Variants in UGGT1 observed in about 807,000 individuals in gnomAD.
UGGT1 encodes UDP-glucose glycoprotein glucosyltransferase 1.
UGGT1 carries 107 observed loss-of-function variants against 203.9 expected under a neutral mutation model. The ratio of observed to expected loss-of-function variants is 0.52; its 90% CI spans 0.45 to 0.62. The LOEUF (loss-of-function observed/expected upper bound fraction) is 0.62, where lower values mean the gene tolerates loss of function less well. Among genes scored for constraint, UGGT1 ranks in the 20% least tolerant of loss-of-function variants. The pLI is 0.00. For synonymous variants in UGGT1, 628 were observed against 653.5 expected (o/e 0.96, Z 0.59); for missense variants, 1,673 against 1,867.2 (o/e 0.90, Z 1.92).
chr2:128,120,305 C>A, intron 8 of UGGT1, 51 bp from the exon 9 acceptor site: 2 of 1,558,718 alleles, frequency 1.3e-6, no homozygotes, highest in Non-Finnish European at 1.8e-6. Context: ...TCTTCTTATG[C>A]TCCGGGAAAG....
At chr2:128,115,483 TAAAAAAA>T (rs55952659) in intron 7 of UGGT1, among the ~76,000 whole-genome samples, 22 of 121,760 alleles carry the variant, frequency 1.8e-4, no homozygotes, top group Admixed American at 4.1e-4. Flanking sequence ...TTTCATGTAC[TAAAAAAA>T]AAAAAAAAAA....
Position 128,091,206 on chromosome 2 carries a change from G to A in UGGT1, c.-152G>A, listed in dbSNP as rs1686836675. 9 of 835,098 alleles carry A rather than the reference G, an allele frequency of 1.1e-5. 1 individual carries two copies. In the South Asian group the frequency reaches 1.7e-4, roughly 15 times the overall value. 51.7% of individuals were successfully genotyped at this position (835,098 alleles called of 1,614,324 possible). A position where few individuals can be genotyped will look rare whatever the true frequency, so the allele number is the denominator to read the frequency against. On this transcript the variant is annotated 5_prime_UTR_variant, in exon 1 of 41. Coordinates refer to ENST00000259253, the MANE Select transcript of UGGT1 (RefSeq NM_020120.4). ...AAGTAAAAGGGCGGCCGGCAGCTGG[G>A]CAATTGCTTTGCGAGGCTGGGTGTT...
chr2:128,159,419 T>C, intron 22 of UGGT1, 95 bp from the exon 23 acceptor site: 1 of 1,166,454 alleles, frequency 8.6e-7, no homozygotes, highest in Non-Finnish European at 1.3e-6. Flanking sequence ...AAGAGAGATA[T>C]TATTTGCTAC....
At chr2:128,149,609 CA>C (rs886969052) in intron 18 of UGGT1, among the ~76,000 whole-genome samples, 317 of 138,364 alleles carry the variant, frequency 2.3e-3, no homozygotes, top group Admixed American at 2.9e-3. Context: ...ACTAAAAATC[CA>C]AAAAAAAAAA....
At chr2:128,120,566 C>G (rs1057123867) in intron 9 of UGGT1, 110 bp downstream of exon 9, 5 of 809,728 alleles carry the variant, frequency 6.2e-6, no homozygotes, top group Non-Finnish European at 1.0e-5. Context: ...CTGAAGGTGC[C>G]TCAGATTTTA....
Position 128,171,284 on chromosome 2 carries a change from G to C in UGGT1, c.3104G>C (p.Ser1035Thr), listed in dbSNP as rs1300527204. 6.2e-7 allele frequency: 1 copy of C among 1,610,464 alleles called. No homozygotes were observed. Among genetic ancestry groups the C allele is most frequent in the Admixed American group, 1.7e-5 (1 of 59,344 alleles). ...AAACTTTCTGACATGCCTTTAAAAAGGTAAAACATGCTATGTAAGAAAACA... is the reference window on the plus strand; with the variant it reads ...AAACTTTCTGACATGCCTTTAAAAACGTAAAACATGCTATGTAAGAAAACA... Reference protein sequence around the residue: ...QSKLSDMPLKSFYRYVLEPEI... With the variant: ...QSKLSDMPLKTFYRYVLEPEI... Residue 1035 changes from serine (S) to threonine (T), a missense_variant and splice_region_variant, in exon 28 of 41, where the codon AGC becomes ACC. Around this residue, in one of 4 missense-constraint regions of UGGT1, gnomAD observed 513 missense variants for 684.1 expected, o/e 0.75. Transcript: ENST00000259253.
At chr2:128,141,371 G>A (rs1689415371) in intron 16 of UGGT1, among the ~76,000 whole-genome samples, 1 of 152,170 alleles carries the variant, frequency 6.6e-6, no homozygotes, top group South Asian at 2.1e-4. Context: ...CGAGGCAGGT[G>A]GATCACGAGA....
intron 26 of UGGT1, among the ~76,000 whole-genome samples, chr2:128,168,717 G>A (rs1690923445): frequency 6.6e-6 from 1 of 152,104 alleles, no homozygotes; most frequent in Non-Finnish European, 1.5e-5. Context: ...GACTTCACAG[G>A]GAGTCCATGC....
At chr2:128,109,774 G>A (rs769047902) in intron 5 of UGGT1, 28 bp downstream of exon 5, 1 of 1,572,658 alleles carries the variant, frequency 6.4e-7, no homozygotes, top group South Asian at 1.1e-5. Context: ...TTATTTTCAT[G>A]TCATGCATTT....
intron 2 of UGGT1, among the ~76,000 whole-genome samples, chr2:128,099,040 C>T (rs539025486): frequency 1.4e-3 from 211 of 152,286 alleles, no homozygotes; most frequent in Middle Eastern, 3.4e-3. Context: ...GAGCAGCAAG[C>T]ACTTGGTAAG....
At position 128,189,892 on chromosome 2, in the gene UGGT1, G is replaced by T; in HGVS notation, c.*150G>T. The T allele has an allele frequency of 1.3e-6, 1 of 797,314 alleles. No individual in the cohort carries two copies. Among genetic ancestry groups the T allele is most frequent in the Non-Finnish European group, 2.0e-6 (1 of 505,180 alleles). 49.4% of individuals were successfully genotyped at this position (797,314 alleles called of 1,614,324 possible). On this transcript the variant is annotated 3_prime_UTR_variant, in exon 41 of 41. Coordinates refer to ENST00000259253, the MANE Select transcript of UGGT1 (RefSeq NM_020120.4). ...TTCTGAGCATTTGATTCTGACTTCTGTACTCTGGTGGCCACTGGATCTTTG... is the reference window on the plus strand; with the variant it reads ...TTCTGAGCATTTGATTCTGACTTCTTTACTCTGGTGGCCACTGGATCTTTG...
chr2:128,111,221 C>T (rs1032886745), intron 5 of UGGT1, among the ~76,000 whole-genome samples: 7 of 151,988 alleles, frequency 4.6e-5, no homozygotes, highest in Middle Eastern at 3.2e-3. Context: ...GCAGTAACCA[C>T]GCACACGCCT....
At chr2:128,110,049 G>A (rs887055951) in intron 5 of UGGT1, among the ~76,000 whole-genome samples, 10 of 152,092 alleles carry the variant, frequency 6.6e-5, no homozygotes, top group Admixed American at 6.5e-5. Flanking sequence ...TTTGTCATTG[G>A]CTTAGTAAGG....
At position 128,158,844 on chromosome 2, in the gene UGGT1, G is replaced by C. The variant is rs556213354; in HGVS notation, c.2356-670G>C. On this transcript the variant is annotated intron_variant, in intron 22 of 40. Coordinates refer to ENST00000259253, the MANE Select transcript of UGGT1 (RefSeq NM_020120.4). ...TGGGAAGGCTGTATGAATGAAGAAG[G>C]GTTTGAGGAGAGCACTGAAAACACT... Among the ~76,000 whole-genome samples the C allele has an allele frequency of 5.3e-5, 8 of 152,226 alleles. No homozygotes were observed. The South Asian group carries it at 1.5e-3, about 28-fold the overall frequency.
intron 24 of UGGT1, 30 bp downstream of exon 24, chr2:128,160,621 T>C (rs1051238503): frequency 4.4e-6 from 7 of 1,595,072 alleles, no homozygotes; most frequent in Non-Finnish European, 6.0e-6. Context: ...GACTTCACAT[T>C]AGATCCGTGA....
At chr2:128,101,376 G>A (rs1386697380) in intron 2 of UGGT1, among the ~76,000 whole-genome samples, 1 of 152,146 alleles carries the variant, frequency 6.6e-6, no homozygotes, top group Non-Finnish European at 1.5e-5. Context: ...TTCCTGTTGT[G>A]TATTTTTAGA....
chr2:128,143,584 T>G (rs1689540879), intron 17 of UGGT1, among the ~76,000 whole-genome samples: 1 of 152,208 alleles, frequency 6.6e-6, no homozygotes, highest in Non-Finnish European at 1.5e-5. Context: ...AGGAGTATTT[T>G]TATATCTTTA....
intron 1 of UGGT1, among the ~76,000 whole-genome samples, chr2:128,096,266 C>T (rs999464809): frequency 6.6e-6 from 1 of 152,164 alleles, no homozygotes; most frequent in African/African-American, 2.4e-5. Flanking sequence ...TTCTTTATTT[C>T]AGAACCTGTC....
intron 28 of UGGT1, 51 bp downstream of exon 28, chr2:128,171,335 G>A (rs1691092071): frequency 1.3e-6 from 2 of 1,499,490 alleles, no homozygotes; most frequent in East Asian, 4.5e-5. Flanking sequence ...CTGAATCCAA[G>A]TTCTGATATT....
Sources: allele counts gnomAD v4.1 joint callset (sites outside exome capture counted in the v4.1 genomes callset), GRCh38; gene constraint gnomAD v4.1.1; regional missense constraint gnomAD v4.1.1; transcripts MANE v1.5; gene names NCBI Gene and HGNC (gene_info 2026-07-23, HGNC 2026-07-21).